Variants in SDK1 observed in about 807,000 individuals in gnomAD.
The protein encoded by SDK1 is sidekick cell adhesion molecule 1, also known as protein sidekick-1.
In SDK1, 157 loss-of-function variants were observed where a neutral mutation model predicts 245.5. The ratio of observed to expected loss-of-function variants is 0.64; its 90% confidence interval spans 0.56 to 0.73. SDK1 has a LOEUF of 0.73. Ranked by LOEUF, SDK1 falls within the 30% of genes least tolerant of loss-of-function variation. The pLI is 0.00. For synonymous variants in SDK1, 1,647 were observed against 1,278.5 expected (o/e 1.29, Z -6.15); for missense variants, 3,583 against 3,002.3 (o/e 1.19, Z -4.52).
intron 5 of SDK1, among the ~76,000 whole-genome samples, chr7:3,845,111 G>A (rs568739746): frequency 1.4e-4 from 21 of 152,272 alleles, no homozygotes; most frequent in East Asian, 5.8e-4. Context: ...CCAGGTTGGC[G>A]GGGAGGGATG....
chr7:3,923,365 C>G (rs1328975465), intron 5 of SDK1, among the ~76,000 whole-genome samples: 4 of 152,112 alleles, frequency 2.6e-5, no homozygotes, highest in African/African-American at 9.7e-5. Flanking sequence ...TGAGAGCCTA[C>G]AGTTCACTGC....
chr7:3,847,166 C>T (rs117655288), intron 5 of SDK1, among the ~76,000 whole-genome samples: 1 of 152,124 alleles, frequency 6.6e-6, no homozygotes, highest in East Asian at 1.9e-4. Flanking sequence ...CAAACCCTGC[C>T]TTTGCGATTT....
At chr7:3,960,641 T>G (rs991049730) in intron 8 of SDK1, among the ~76,000 whole-genome samples, 1 of 152,216 alleles carries the variant, frequency 6.6e-6, no homozygotes, top group Non-Finnish European at 1.5e-5. Context: ...CTTGGTTCAG[T>G]AGGAGTTCTG....
intron 14 of SDK1, among the ~76,000 whole-genome samples, chr7:4,009,594 C>T (rs930858232): frequency 5.9e-5 from 9 of 152,216 alleles, no homozygotes; most frequent in Non-Finnish European, 7.3e-5. Context: ...AAGCCAAGAA[C>T]GCTGAAATGC....
chr7:4,099,214 C>T (rs768808460), intron 22 of SDK1, among the ~76,000 whole-genome samples: 7 of 151,622 alleles, frequency 4.6e-5, no homozygotes, highest in East Asian at 4.0e-4. Context: ...CAGCACCTGT[C>T]GTTTTAAAGT....
chr7:3,937,333 G>C (rs956440695), intron 5 of SDK1, among the ~76,000 whole-genome samples: 2 of 152,278 alleles, frequency 1.3e-5, no homozygotes, highest in African/African-American at 2.4e-5. Flanking sequence ...GCGTTCCAGT[G>C]GGGGAGAGAC....
intron 1 of SDK1, among the ~76,000 whole-genome samples, chr7:3,433,021 C>T (rs577641185): frequency 1.3e-5 from 2 of 152,260 alleles, no homozygotes; most frequent in South Asian, 2.1e-4. Context: ...ATCCAAGTTA[C>T]GCAGTTTTTC....
chr7:3,485,532 G>C (rs1035991992), intron 1 of SDK1, among the ~76,000 whole-genome samples: 7 of 151,958 alleles, frequency 4.6e-5, no homozygotes, highest in African/African-American at 1.5e-4. Flanking sequence ...ATGTGAGACT[G>C]TCTTCCCTAC....
At chr7:3,910,540 G>A (rs1369557438) in intron 5 of SDK1, among the ~76,000 whole-genome samples, 1 of 152,126 alleles carries the variant, frequency 6.6e-6, no homozygotes, top group Non-Finnish European at 1.5e-5. Context: ...CGTGCCATTC[G>A]GTTACCTTCG....
At chr7:3,918,313 G>A (rs1378906273) in intron 5 of SDK1, among the ~76,000 whole-genome samples, 1 of 152,210 alleles carries the variant, frequency 6.6e-6, no homozygotes, top group African/African-American at 2.4e-5. Context: ...AGCCTCATGT[G>A]TATTTACAGC....
chr7:3,571,463 C>T (rs948576335), intron 1 of SDK1, among the ~76,000 whole-genome samples: 8 of 151,932 alleles, frequency 5.3e-5, no homozygotes, highest in African/African-American at 1.9e-4. Flanking sequence ...CCACCATGCC[C>T]AGCTAATTTA....
intron 1 of SDK1, among the ~76,000 whole-genome samples, chr7:3,616,459 C>G (rs1781775714): frequency 6.6e-6 from 1 of 152,186 alleles, no homozygotes; most frequent in Non-Finnish European, 1.5e-5. Context: ...CTCTTTCGTA[C>G]TGCCCAAGGG....
At chr7:3,647,474 G>T (rs890666339) in intron 4 of SDK1, among the ~76,000 whole-genome samples, 1 of 152,160 alleles carries the variant, frequency 6.6e-6, no homozygotes, top group Non-Finnish European at 1.5e-5. Context: ...ATGCTGGAGT[G>T]AAGTTGAAGT....
intron 17 of SDK1, among the ~76,000 whole-genome samples, chr7:4,035,861 G>C (rs1435496686): frequency 6.6e-6 from 1 of 152,076 alleles, no homozygotes; most frequent in East Asian, 1.9e-4. Context: ...ACTTGAAGAG[G>C]CTCCTGCTAG....
intron 4 of SDK1, among the ~76,000 whole-genome samples, chr7:3,711,380 A>G (rs1785043906): frequency 6.6e-6 from 1 of 152,202 alleles, no homozygotes; most frequent in African/African-American, 2.4e-5. Flanking sequence ...ACCTCGTAAA[A>G]TTTACCTGGG....
intron 5 of SDK1, among the ~76,000 whole-genome samples, chr7:3,825,783 A>G (rs904175619): frequency 8.6e-5 from 13 of 151,990 alleles, no homozygotes; most frequent in Admixed American, 7.9e-4. Flanking sequence ...CCCAGGTACA[A>G]CTCTCTCCTA....
intron 19 of SDK1, among the ~76,000 whole-genome samples, chr7:4,055,568 T>C (rs1193428558): frequency 1.3e-5 from 2 of 151,428 alleles, no homozygotes; most frequent in Admixed American, 6.6e-5. Flanking sequence ...TGTTTTTTGT[T>C]TTTTTAGAAC....
At position 4,064,647 on chromosome 7, in the gene SDK1, T is replaced by C. The variant is rs74537187; in HGVS notation, c.2912-3191T>C. Among the ~76,000 whole-genome samples the C allele has an allele frequency of 3.3e-3, 510 of 152,264 alleles. 3 individuals are homozygous for C. Among genetic ancestry groups the C allele is most frequent in the South Asian group, 0.031 (150 of 4,824 alleles). ...GCAGCACCATTCACAGTAGCCAAGA[T>C]ACGGAATCAACCCAAGCGTCCATCA... On this transcript the variant is annotated intron_variant, in intron 19 of 44. Transcript: ENST00000404826.
At chr7:4,049,238 C>T in intron 17 of SDK1, 110 bp from the exon 18 acceptor site, 1 of 735,990 alleles carries the variant, frequency 1.4e-6, no homozygotes, top group Non-Finnish European at 2.3e-6. Context: ...GGTCTCAGTG[C>T]AATAATTGCC....
Sources: allele counts gnomAD v4.1 joint callset (sites outside exome capture counted in the v4.1 genomes callset), GRCh38; gene constraint gnomAD v4.1.1; transcripts MANE v1.5; gene names NCBI Gene and HGNC (gene_info 2026-07-23, HGNC 2026-07-21).